PLEKHG7: variants seen among roughly 807,000 people sequenced by gnomAD.
PLEKHG7 encodes pleckstrin homology and RhoGEF domain containing G7.
A neutral mutation model predicts 85.2 loss-of-function variants in PLEKHG7; 77 were observed. The ratio of observed to expected loss-of-function variants is 0.90; its 90% CI spans 0.75 to 1.09. The LOEUF (loss-of-function observed/expected upper bound fraction) is 1.09. PLEKHG7 is among the 50% of genes least tolerant of loss of function. PLEKHG7 has a pLI of 0.00. For missense variants in PLEKHG7, 777 were observed against 804.3 expected, an observed-to-expected ratio of 0.97 and a Z score of 0.41; for synonymous variants, 301 against 302.4, an observed-to-expected ratio of 1.00 and a Z score of 0.05.
intron 13 of PLEKHG7, 97 bp downstream of exon 13, chr12:92,756,488 T>A: frequency 1.0e-6 from 1 of 956,274 alleles, no homozygotes; most frequent in Non-Finnish European, 1.7e-6. Context: ...TGTGTTTGCC[T>A]ATGTTCCAGG....
intron 10 of PLEKHG7, among the ~76,000 whole-genome samples, chr12:92,747,237 T>C (rs1000932106): frequency 7.2e-6 from 1 of 138,474 alleles, no homozygotes; most frequent in Middle Eastern, 3.5e-3. Context: ...AAATGAAACA[T>C]ACAAATGGCC....
chr12:92,703,258 C>G (rs1050542940), intron 1 of PLEKHG7, 126 bp downstream of exon 1: 1 of 152,176 alleles, frequency 6.6e-6, no homozygotes, highest in Non-Finnish European at 1.5e-5. Context: ...GAATCATTAA[C>G]CTGCAATGGT....
chr12:92,745,504 C>A lies in PLEKHG7; in HGVS notation c.1164C>A (p.Ser388Arg). ...ATTTCCGAGGGAGTCTCTGTCAGAG[C>A]CACCAGACCTACTGCCTGAACTATT... ...TKYFRGSLCQSHQTYCLNYSA... is the reference protein window; with the variant it reads ...TKYFRGSLCQRHQTYCLNYSA... The change falls in exon 10 of 17, where the codon AGC becomes AGA. Residue 388 changes from serine (S) to arginine (R), a missense_variant. Physicochemically the swap from Ser to Arg is moderately radical, Grantham distance 110. Around this residue, in one of 3 missense-constraint regions of PLEKHG7, gnomAD observed 520 missense variants for 544.0 expected, o/e 0.96. Transcript: ENST00000344636. 1 of 1,613,642 alleles carries A rather than the reference C, an allele frequency of 6.2e-7. No homozygotes were observed. The highest frequency in any genetic ancestry group is 8.5e-7 in the Non-Finnish European group (1 of 1,179,594).
intron 15 of PLEKHG7, 84 bp downstream of exon 15, chr12:92,764,278 T>C: frequency 2.2e-6 from 3 of 1,352,290 alleles, no homozygotes; most frequent in Non-Finnish European, 3.0e-6. Flanking sequence ...AGGTCATAAA[T>C]CCAATTCAAG....
At chr12:92,748,553 G>T (rs4760493) in intron 10 of PLEKHG7, among the ~76,000 whole-genome samples, 2 of 151,864 alleles carry the variant, frequency 1.3e-5, no homozygotes, top group Non-Finnish European at 2.9e-5. Flanking sequence ...CAGCTCACAT[G>T]ATGCTTTTAT....
intron 3 of PLEKHG7, among the ~76,000 whole-genome samples, chr12:92,713,068 A>C (rs1871394145): frequency 6.6e-6 from 1 of 152,218 alleles, no homozygotes; most frequent in Admixed American, 6.5e-5. Flanking sequence ...GATTCACGGC[A>C]TAGTGAATTG....
intron 13 of PLEKHG7, among the ~76,000 whole-genome samples, chr12:92,760,019 G>A (rs1872939727): frequency 6.6e-6 from 1 of 152,180 alleles, no homozygotes; most frequent in Admixed American, 6.5e-5. Flanking sequence ...TCTTCTGTGT[G>A]GCCCAAGATG....
chr12:92,763,995 A>G, intron 14 of PLEKHG7, 46 bp from the exon 15 acceptor site: 1 of 1,549,226 alleles, frequency 6.5e-7, no homozygotes, highest in Non-Finnish European at 8.8e-7. Context: ...TAAGTGTGCC[A>G]ATATTTATTT....
chr12:92,730,609 G>A (rs1015564696), intron 4 of PLEKHG7, among the ~76,000 whole-genome samples: 6 of 152,208 alleles, frequency 3.9e-5, no homozygotes, highest in Non-Finnish European at 7.3e-5. Flanking sequence ...TAGTAGAGAC[G>A]AAGTTTCAAC....
chr12:92,731,943 CT>C (rs1470873448), intron 4 of PLEKHG7, among the ~76,000 whole-genome samples: 1 of 152,140 alleles, frequency 6.6e-6, no homozygotes, highest in Non-Finnish European at 1.5e-5. Context: ...TATAGATTTC[CT>C]TTCAAGCAAT....
chr12:92,706,571 A>C lies in PLEKHG7; in HGVS notation c.-61A>C, dbSNP rs956742377. The C allele has an allele frequency of 6.6e-7, 1 of 1,518,628 alleles. No homozygotes were observed. The highest frequency in any genetic ancestry group is 1.4e-5 in the African/African-American group (1 of 71,924). The allele number at this position is 1,518,628 out of a possible 1,614,324, so 94.1% of individuals were successfully genotyped here. ...AAATTGAGCACCCTCCATGTGATCCAGAGAACAGCAACTCATACGTCTTCT... is the reference window on the plus strand; with the variant it reads ...AAATTGAGCACCCTCCATGTGATCCCGAGAACAGCAACTCATACGTCTTCT... On this transcript the variant is annotated 5_prime_UTR_variant, in exon 2 of 17. Coordinates refer to ENST00000344636, the MANE Select transcript of PLEKHG7 (RefSeq NM_001377329.1).
At chr12:92,762,294 T>C (rs1257516950) in intron 14 of PLEKHG7, among the ~76,000 whole-genome samples, 1 of 152,180 alleles carries the variant, frequency 6.6e-6, no homozygotes, top group Non-Finnish European at 1.5e-5. Flanking sequence ...TCATTCTGAT[T>C]TGAAAGCTCA....
chr12:92,770,327 A>C lies in PLEKHG7; in HGVS notation c.*132A>C. ...ATTTTAAAGAAGTTTCAGAATTTGA[A>C]ATTTTGAGCTAGGAAAATCCTCAGT... is the stretch of plus-strand genomic sequence containing the variant. On this transcript the variant is annotated 3_prime_UTR_variant, in exon 17 of 17. Transcript: ENST00000344636. The C allele has an allele frequency of 1.4e-6, 1 of 724,346 alleles. No individual in the cohort carries two copies. Among genetic ancestry groups the C allele is most frequent in the Non-Finnish European group, 2.3e-6 (1 of 439,880 alleles). The allele number at this position is 724,346 out of a possible 1,614,324, so 44.9% of individuals were successfully genotyped here. A position where few individuals can be genotyped will look rare whatever the true frequency, so the allele number is the denominator to read the frequency against.
At chr12:92,713,013 C>T (rs1871392693) in intron 3 of PLEKHG7, among the ~76,000 whole-genome samples, 1 of 152,156 alleles carries the variant, frequency 6.6e-6, no homozygotes, top group Admixed American at 6.5e-5. Flanking sequence ...TACACAGTTA[C>T]CTTGGTAAAA....
At chr12:92,709,730 C>A (rs1196692001) in intron 3 of PLEKHG7, among the ~76,000 whole-genome samples, 1 of 152,104 alleles carries the variant, frequency 6.6e-6, no homozygotes, top group African/African-American at 2.4e-5. Flanking sequence ...CAAAAATAGT[C>A]TTGGTAAATT....
chr12:92,737,745 G>GAAGGAGGAAGGA (rs1565791603), intron 7 of PLEKHG7, among the ~76,000 whole-genome samples: 1 of 52,766 alleles, frequency 1.9e-5, no homozygotes, highest in East Asian at 5.6e-3. Flanking sequence ...GGAAGGGAGG[G>GAAGGAGGAAGGA]AGGGAGGAAG....
intron 1 of PLEKHG7, among the ~76,000 whole-genome samples, chr12:92,703,577 T>C (rs941042077): frequency 3.3e-5 from 5 of 152,196 alleles, no homozygotes; most frequent in Non-Finnish European, 5.9e-5. Flanking sequence ...TGCATGGCAG[T>C]TGGCAGAGGA....
chr12:92,727,119 G>GT (rs1171163747), intron 3 of PLEKHG7, among the ~76,000 whole-genome samples: 1 of 152,154 alleles, frequency 6.6e-6, no homozygotes. Flanking sequence ...TGTATGGGGA[G>GT]TTTTTGTCAT....
chr12:92,756,729 A>G (rs1230990985), intron 13 of PLEKHG7, among the ~76,000 whole-genome samples: 2 of 152,196 alleles, frequency 1.3e-5, no homozygotes, highest in Non-Finnish European at 2.9e-5. Context: ...GTACTCCCCC[A>G]ATGAGCCAGA....
Sources: allele counts gnomAD v4.1 joint callset (sites outside exome capture counted in the v4.1 genomes callset), GRCh38; gene constraint gnomAD v4.1.1; regional missense constraint gnomAD v4.1.1; transcripts MANE v1.5; gene names NCBI Gene and HGNC (gene_info 2026-07-23, HGNC 2026-07-21).